The following TMEM204 variants were observed in gnomAD, a reference collection of about 807,000 sequenced individuals.
TMEM204 encodes claudin-like protein 24.
Under a neutral mutation model 19.4 loss-of-function variants are expected in TMEM204, and 15 were observed. The observed-to-expected ratio is 0.77, with a 90% CI of 0.52 to 1.19. The LOEUF is 1.19. Among genes scored for constraint, TMEM204 ranks in the 50% most tolerant of loss-of-function variants. The pLI, the probability that TMEM204 is intolerant of heterozygous loss-of-function variation, is 0.00. For missense variants in TMEM204, 287 were observed against 321.2 expected (o/e 0.89, Z 0.81); for synonymous variants, 161 against 146.0 (o/e 1.10, Z -0.74).
intron 1 of TMEM204, among the ~76,000 whole-genome samples, chr16:1,540,245 G>A (rs1485045868): frequency 6.6e-6 from 1 of 152,252 alleles, no homozygotes; most frequent in Non-Finnish European, 1.5e-5. Flanking sequence ...AGAGCTTTGA[G>A]GTTATTCTGT....
intron 1 of TMEM204, among the ~76,000 whole-genome samples, chr16:1,539,520 C>A (rs1269966577): frequency 6.6e-6 from 1 of 152,270 alleles, no homozygotes; most frequent in East Asian, 1.9e-4. Context: ...CCAGGCTTTC[C>A]CGCTGTCCGT....
At chr16:1,542,112 GC>G (rs990365426) in intron 2 of TMEM204, 36 bp downstream of exon 2, 1 of 1,532,892 alleles carries the variant, frequency 6.5e-7, no homozygotes, top group Non-Finnish European at 8.8e-7. Context: ...CCGCGCCCTT[GC>G]CCCCTGTGGC....
At chr16:1,542,742 C>T (rs935855179) in intron 2 of TMEM204, among the ~76,000 whole-genome samples, 10 of 152,242 alleles carry the variant, frequency 6.6e-5, no homozygotes, top group African/African-American at 2.2e-4. Context: ...CTGATGCAGA[C>T]GGCAGGACCA....
rs1247825337 is a variant in TMEM204, at chr16:1,551,222, GC to G, written c.437-3557del. Among the ~76,000 whole-genome samples the G allele has an allele frequency of 6.6e-6, 1 of 152,264 alleles. No homozygotes were observed. The highest frequency in any genetic ancestry group is 1.5e-5 in the Non-Finnish European group (1 of 68,050). On this transcript the variant is annotated intron_variant, in intron 2 of 2. Transcript: ENST00000566264. The surrounding 1 kb of genome is among the most constrained non-coding windows in gnomAD (Gnocchi z 4.0). ...GGCAAGTTCTGGCCCCGGGGAGCCT[GC>G]CCTGTGGCGGGGGAGAGCGGCCAGA...
chr16:1,541,738 C>G (rs1335837251), intron 1 of TMEM204, among the ~76,000 whole-genome samples, 183 bp from the exon 2 acceptor site: 1 of 151,940 alleles, frequency 6.6e-6, no homozygotes. Context: ...ACATGGGACC[C>G]AGGGCTTGCA....
intron 1 of TMEM204, among the ~76,000 whole-genome samples, chr16:1,535,008 G>A (rs1350965961): frequency 2.0e-5 from 3 of 151,864 alleles, no homozygotes; most frequent in African/African-American, 7.3e-5. Flanking sequence ...AGTTCAAGAC[G>A]AACCTAGCCT....
intron 1 of TMEM204, among the ~76,000 whole-genome samples, chr16:1,537,247 C>G (rs2031168058): frequency 6.6e-6 from 1 of 152,266 alleles, no homozygotes; most frequent in Non-Finnish European, 1.5e-5. Context: ...CAACGCCACA[C>G]CGCGTGCCTC....
intron 1 of TMEM204, among the ~76,000 whole-genome samples, chr16:1,540,609 T>A (rs2031538012): frequency 6.6e-6 from 1 of 152,222 alleles, no homozygotes; most frequent in Admixed American, 6.5e-5. Context: ...GTGTCTGTGA[T>A]GAATGCGGGC....
chr16:1,539,669 G>A (rs966734935), intron 1 of TMEM204, among the ~76,000 whole-genome samples: 6 of 152,248 alleles, frequency 3.9e-5, no homozygotes, highest in Non-Finnish European at 8.8e-5. Flanking sequence ...TCTCAGTTAC[G>A]TGGCAGTGAC....
rs1043408704 is a variant in TMEM204, at chr16:1,537,028, C to T, written c.280+2473C>T. Among the ~76,000 whole-genome samples, 72 of 152,386 alleles carry T rather than the reference C, an allele frequency of 4.7e-4. 1 individual carries two copies. Among genetic ancestry groups the T allele is most frequent in the African/African-American group, 1.5e-3 (61 of 41,594 alleles). On this transcript the variant is annotated intron_variant, in intron 1 of 2. Transcript: ENST00000566264. Reference sequence around the variant, plus strand: ...TCTAGCCTGGCCACCCCACTGAGTCCAGCCAGCTCCTAGCGTCTTCCTTCC... The same window carrying T: ...TCTAGCCTGGCCACCCCACTGAGTCTAGCCAGCTCCTAGCGTCTTCCTTCC...
At chr16:1,535,073 T>C (rs1174260344) in intron 1 of TMEM204, among the ~76,000 whole-genome samples, 1 of 152,152 alleles carries the variant, frequency 6.6e-6, no homozygotes, top group Non-Finnish European at 1.5e-5. Context: ...ATGCTCTTTC[T>C]TTACTCATGA....
At chr16:1,529,700 G>A (rs1165497758), upstream of TMEM204, among the ~76,000 whole-genome samples, 1 of 152,224 alleles carries the variant, frequency 6.6e-6, no homozygotes, top group Non-Finnish European at 1.5e-5. Context: ...ACCAAGGCTT[G>A]TCTTTCTCCT....
chr16:1,541,120 C>T lies in TMEM204; in HGVS notation c.281-801C>T, dbSNP rs1022702570. On this transcript the variant is annotated intron_variant, in intron 1 of 2. Transcript: ENST00000566264. ...ACAGAAGGCTCCATCTGCCCCTGACCACGCATCCATGTGCCCTGCCCACCT... is the reference window on the plus strand; with the variant it reads ...ACAGAAGGCTCCATCTGCCCCTGACTACGCATCCATGTGCCCTGCCCACCT... 5 of 985,340 alleles carry T rather than the reference C, an allele frequency of 5.1e-6. No individual in the cohort carries two copies. In the African/African-American group the frequency reaches 8.7e-5, roughly 17 times the overall value. The allele number at this position is 985,340 out of a possible 1,614,324, so 61.0% of individuals were successfully genotyped here.
upstream of TMEM204, chr16:1,528,896 C>T (rs908080511): frequency 6.6e-6 from 1 of 152,244 alleles, no homozygotes; most frequent in Non-Finnish European, 1.5e-5. Context: ...GGAGCCCAGT[C>T]CCACGGTGGT....
At position 1,545,398 on chromosome 16, in the gene TMEM204, C is replaced by T. The variant is rs189107927; in HGVS notation, c.436+3322C>T. 3.9e-5 allele frequency among the ~76,000 whole-genome samples: 6 copies of T among 152,340 alleles called. No individual in the cohort carries two copies. In the East Asian group the frequency reaches 1.2e-3, roughly 29 times the overall value. On this transcript the variant is annotated intron_variant, in intron 2 of 2. Transcript: ENST00000566264. ...TGTCCAACCATCACCCCTAACGGGT[C>T]TGTTTTGCCCAAAAAGGAAATGCAT...
intron 1 of TMEM204, among the ~76,000 whole-genome samples, chr16:1,538,966 G>A (rs560387527): frequency 4.6e-5 from 7 of 152,244 alleles, no homozygotes; most frequent in Admixed American, 4.6e-4. Context: ...GGGCAAAAGC[G>A]CCCCCTACCT....
intron 1 of TMEM204, chr16:1,541,434 C>G: frequency 1.0e-6 from 1 of 985,412 alleles, no homozygotes; most frequent in African/African-American, 1.7e-5. Context: ...GCTTGGGGGT[C>G]GGGCAGCTGA....
intron 1 of TMEM204, 21 bp downstream of exon 1, chr16:1,534,576 G>A (rs1192925118): frequency 6.3e-7 from 1 of 1,599,866 alleles, no homozygotes; most frequent in East Asian, 2.2e-5. Flanking sequence ...TTGTTTTCCT[G>A]ATGCCTTCAG....
chr16:1,553,198 G>A lies in TMEM204; in HGVS notation c.437-1584G>A, dbSNP rs900772176. The A allele has an allele frequency of 1.0e-6, 1 of 980,666 alleles. No homozygotes were observed. Among genetic ancestry groups the A allele is most frequent in the Middle Eastern group, 5.2e-4 (1 of 1,928 alleles). The allele number at this position is 980,666 out of a possible 1,614,324, so 60.7% of individuals were successfully genotyped here. A position where few individuals can be genotyped will look rare whatever the true frequency, so the allele number is the denominator to read the frequency against. On this transcript the variant is annotated intron_variant, in intron 2 of 2. Transcript: ENST00000566264. The surrounding 1 kb of genome is among the most constrained non-coding windows in gnomAD (Gnocchi z 4.4). ...TTGCTCTCTGTCTCTCCTTCCCTGT[G>A]TCTCTGTCTCTGTCTCTCTCTGTCT...
Sources: allele counts gnomAD v4.1 joint callset (sites outside exome capture counted in the v4.1 genomes callset), GRCh38; gene constraint gnomAD v4.1.1; non-coding constraint Gnocchi (gnomAD v3.1); transcripts MANE v1.5; gene names NCBI Gene and HGNC (gene_info 2026-07-23, HGNC 2026-07-21).